The following AK5 variants were observed in gnomAD, a reference collection of about 807,000 sequenced individuals.
AK5 encodes adenylate kinase 5, also known as adenylate kinase isoenzyme 5.
Under a neutral mutation model 69.5 loss-of-function variants are expected in AK5, and 27 were observed. The ratio of observed to expected loss-of-function variants is 0.39; its 90% CI spans 0.29 to 0.54. The LOEUF is 0.54. Ranked by LOEUF, AK5 falls within the 20% of genes least tolerant of loss-of-function variation. The pLI is 0.71. For synonymous variants in AK5, 260 were observed against 244.4 expected (o/e 1.06, Z -0.60); for missense variants, 531 against 700.4 (o/e 0.76, Z 2.73).
chr1:77,283,619 A>T, intron 1 of AK5: 1 of 985,444 alleles, frequency 1.0e-6, no homozygotes, highest in Non-Finnish European at 1.2e-6. Flanking sequence ...CAGGTAAACC[A>T]CTCACTGAAC....
intron 5 of AK5, among the ~76,000 whole-genome samples, chr1:77,339,286 C>CT (rs1661526197): frequency 6.6e-6 from 1 of 152,234 alleles, no homozygotes; most frequent in Non-Finnish European, 1.5e-5. Flanking sequence ...ACTATGCAAA[C>CT]TGTCTTTTTG....
At chr1:77,304,594 G>A (rs1051086999) in intron 5 of AK5, among the ~76,000 whole-genome samples, 22 of 151,956 alleles carry the variant, frequency 1.4e-4, no homozygotes, top group Admixed American at 2.6e-4. Flanking sequence ...TAGTAGACAC[G>A]GGGTTTCTCC....
At chr1:77,390,115 G>A (rs1648324249) in intron 6 of AK5, among the ~76,000 whole-genome samples, 1 of 152,142 alleles carries the variant, frequency 6.6e-6, no homozygotes, top group Admixed American at 6.5e-5. Context: ...ATTTGGTGAA[G>A]GATCACCAGT....
rs1661601382 is a variant in AK5 at position 77,340,552 on chromosome 1, A to G, written c.875A>G (p.Lys292Arg). ...AAPLVKYFQE[K>R]GLIMTFDADR... ...CCATTGGTTAAATACTTCCAGGAAA[A>G]GGGGCTCATCATGACAGTAAGTTAG... is the stretch of plus-strand genomic sequence containing the variant. Residue 292 changes from lysine to arginine, a missense_variant, in exon 6 of 14, where the codon AAG (lysine) becomes AGG (arginine). Transcript: ENST00000354567. 6.2e-7 allele frequency: 1 copy of G among 1,613,780 alleles called. No homozygotes were observed. The highest frequency in any genetic ancestry group is 1.7e-5 in the Admixed American group (1 of 59,984).
chr1:77,494,432 C>T (rs191151085), intron 10 of AK5, among the ~76,000 whole-genome samples: 38 of 152,236 alleles, frequency 2.5e-4, no homozygotes, highest in African/African-American at 9.1e-4. Context: ...ATCTAGCAGG[C>T]CCCAGCACTG....
At chr1:77,296,243 C>T (rs904049586) in intron 3 of AK5, among the ~76,000 whole-genome samples, 1 of 152,068 alleles carries the variant, frequency 6.6e-6, no homozygotes, top group Admixed American at 6.6e-5. Context: ...AGCTGGCTCT[C>T]TTGGAACAGA....
intron 9 of AK5, among the ~76,000 whole-genome samples, chr1:77,485,284 GCT>G (rs1319219126): frequency 2.6e-5 from 4 of 152,166 alleles, no homozygotes; most frequent in African/African-American, 9.7e-5. Flanking sequence ...TCTGTTTCCA[GCT>G]CTTTCTCCTC....
At chr1:77,430,913 G>A (rs981862126) in intron 8 of AK5, among the ~76,000 whole-genome samples, 1 of 152,172 alleles carries the variant, frequency 6.6e-6, no homozygotes, top group East Asian at 1.9e-4. Flanking sequence ...TCACAGGAAA[G>A]GTCTACTTGT....
chr1:77,445,253 A>C (rs765215806), intron 8 of AK5, among the ~76,000 whole-genome samples: 2 of 152,198 alleles, frequency 1.3e-5, no homozygotes, highest in Non-Finnish European at 2.9e-5. Flanking sequence ...CACAAACAGT[A>C]TACAAAAGTA....
chr1:77,545,474 A>T (rs1659493297), intron 13 of AK5, among the ~76,000 whole-genome samples: 1 of 152,214 alleles, frequency 6.6e-6, no homozygotes, highest in East Asian at 1.9e-4. Flanking sequence ...AGTTTATTCA[A>T]CTAGGTTGTT....
chr1:77,317,060 G>A (rs1660280449), intron 5 of AK5, among the ~76,000 whole-genome samples: 1 of 152,204 alleles, frequency 6.6e-6, no homozygotes, highest in Non-Finnish European at 1.5e-5. Context: ...CAGCTGATTG[G>A]TTTCAACTCA....
At chr1:77,487,370 A>T (rs1312027973) in intron 10 of AK5, among the ~76,000 whole-genome samples, 1 of 145,128 alleles carries the variant, frequency 6.9e-6, no homozygotes, top group Non-Finnish European at 1.5e-5. Context: ...TGCAGTAGTT[A>T]AAAATGCATA....
chr1:77,489,129 A>G (rs1204775434), intron 10 of AK5, among the ~76,000 whole-genome samples: 1 of 152,128 alleles, frequency 6.6e-6, no homozygotes, highest in Non-Finnish European at 1.5e-5. Flanking sequence ...ATAACTAAAG[A>G]CCTCACCTGT....
intron 7 of AK5, among the ~76,000 whole-genome samples, chr1:77,417,144 G>A (rs1372986176): frequency 3.3e-5 from 5 of 152,060 alleles, no homozygotes; most frequent in Admixed American, 6.5e-5. Flanking sequence ...CAGGGAGTAC[G>A]CAAACTTAGC....
intron 6 of AK5, 167 bp downstream of exon 6, chr1:77,340,735 C>T: frequency 4.6e-6 from 2 of 437,596 alleles, no homozygotes; most frequent in East Asian, 3.5e-5. Context: ...CCTTTTTAAG[C>T]CATCATGTTT....
chr1:77,502,767 T>G (rs1010226036), intron 10 of AK5, among the ~76,000 whole-genome samples: 6 of 152,152 alleles, frequency 3.9e-5, no homozygotes, highest in African/African-American at 1.4e-4. Context: ...GGCCTACAGT[T>G]TACTCTCAAA....
intron 6 of AK5, among the ~76,000 whole-genome samples, chr1:77,400,632 A>G (rs2100546923): frequency 6.6e-6 from 1 of 152,274 alleles, no homozygotes; most frequent in Middle Eastern, 3.4e-3. Context: ...AGCAGAATAA[A>G]TCAAAGTCAC....
At chr1:77,426,917 T>C (rs1483911312) in intron 8 of AK5, among the ~76,000 whole-genome samples, 1 of 152,140 alleles carries the variant, frequency 6.6e-6, no homozygotes, top group African/African-American at 2.4e-5. Flanking sequence ...AAGAGAAATG[T>C]TAAAATATTT....
intron 1 of AK5, chr1:77,283,279 T>A: frequency 1.0e-6 from 1 of 985,358 alleles, no homozygotes; most frequent in Non-Finnish European, 1.2e-6. Context: ...CTCAAGTGCT[T>A]TTGCTTGAAG....
Sources: gnomAD v4.1 joint callset for allele counts (sites outside exome capture counted in the v4.1 genomes callset) on GRCh38, gnomAD v4.1.1 for gene constraint, MANE v1.5 for transcripts, NCBI Gene and HGNC (gene_info 2026-07-23, HGNC 2026-07-21) for gene names.